Variants in BMP1 observed in about 807,000 individuals in gnomAD.
BMP1 encodes the protein mammalian tolloid protein.
Under a neutral mutation model 116.8 loss-of-function variants are expected in BMP1, and 63 were observed. The observed-to-expected ratio is 0.54, with a 90% confidence interval of 0.44 to 0.67. BMP1 has a LOEUF of 0.67. Ranked by LOEUF, BMP1 falls within the 30% of genes least tolerant of loss-of-function variation. BMP1 has a pLI of 0.00. For missense variants in BMP1, 1,183 were observed against 1,358.9 expected, an observed-to-expected ratio of 0.87 and a Z score of 2.04; for synonymous variants, 536 against 533.4, an observed-to-expected ratio of 1.00 and a Z score of -0.07.
intron 16 of BMP1, among the ~76,000 whole-genome samples, chr8:22,206,620 A>G (rs1226987839): frequency 1.3e-5 from 2 of 152,138 alleles, no homozygotes. Context: ...TGGCTGCTTC[A>G]TGAGTGCTGC....
intron 1 of BMP1, among the ~76,000 whole-genome samples, chr8:22,167,063 CACTT>C (rs1828135643): frequency 1.3e-5 from 2 of 152,190 alleles, no homozygotes; most frequent in African/African-American, 2.4e-5. Flanking sequence ...ATACATAAAA[CACTT>C]AATAGTGCTT....
chr8:22,174,350 A>G (rs1586437273), intron 2 of BMP1, among the ~76,000 whole-genome samples: 1 of 152,160 alleles, frequency 6.6e-6, no homozygotes, highest in Admixed American at 6.5e-5. Flanking sequence ...ATTTGCTCCT[A>G]TGTCTCCCTA....
chr8:22,174,544 T>G (rs1472970881), intron 2 of BMP1, among the ~76,000 whole-genome samples: 1 of 152,018 alleles, frequency 6.6e-6, no homozygotes, highest in African/African-American at 2.4e-5. Context: ...GTGCTGATGT[T>G]TGAGACATGG....
At chr8:22,201,534 A>G in intron 15 of BMP1, 3 of 1,411,390 alleles carry the variant, frequency 2.1e-6, no homozygotes, top group Non-Finnish European at 2.8e-6. Context: ...TCCAGTAAGC[A>G]GGTAATGGTG....
Position 22,199,210 on chromosome 8 carries a change from G to T in BMP1, c.2107+1790G>T, listed in dbSNP as rs1306033474. 4 of 1,367,548 alleles carry T rather than the reference G, an allele frequency of 2.9e-6. No individual in the cohort carries two copies. The East Asian group carries it at 1.8e-4, about 62-fold the overall frequency. The allele number at this position is 1,367,548 out of a possible 1,614,324, so 84.7% of individuals were successfully genotyped here. ...AGAAACCTGCAGAGGACCCCCACTG[G>T]GGGCATCGAGGCTCAGCCCTCAGGG... On this transcript the variant is annotated intron_variant, in intron 15 of 19. Transcript: ENST00000306385.
At chr8:22,167,632 G>T (rs1828154728) in intron 1 of BMP1, among the ~76,000 whole-genome samples, 1 of 152,218 alleles carries the variant, frequency 6.6e-6, no homozygotes, top group Non-Finnish European at 1.5e-5. Flanking sequence ...GGCTGGCTGA[G>T]TTGGAGCTTC....
At chr8:22,209,137 CA>C (rs1476965639) in intron 18 of BMP1, among the ~76,000 whole-genome samples, 1 of 152,208 alleles carries the variant, frequency 6.6e-6, no homozygotes, top group Non-Finnish European at 1.5e-5. Flanking sequence ...CCATGACAGC[CA>C]TCAGCTGGAG....
In BMP1 at chr8:22,176,522, C is replaced by T. The variant is rs1051913373; in HGVS notation, c.434-11C>T. Reference sequence around the variant, plus strand: ...GACACCGTGGCAACCTGGCTTCCTTCCTCCTGGCAGGTAGCCAGAGGGCAG... The same window carrying T: ...GACACCGTGGCAACCTGGCTTCCTTTCTCCTGGCAGGTAGCCAGAGGGCAG... On this transcript the variant is annotated splice_polypyrimidine_tract_variant and intron_variant, in intron 3 of 19. Transcript: ENST00000306385. The T allele has an allele frequency of 1.9e-6, 3 of 1,613,702 alleles. No individual in the cohort carries two copies. The highest frequency in any genetic ancestry group is 2.7e-5 in the African/African-American group (2 of 74,932).
intron 19 of BMP1, among the ~76,000 whole-genome samples, chr8:22,210,468 T>TCTCACACACA (rs10664439): frequency 3.6e-4 from 49 of 135,568 alleles, no homozygotes; most frequent in African/African-American, 6.5e-4. Flanking sequence ...TCTCTCTCTC[T>TCTCACACACA]CACACACATA....
At chr8:22,192,303 T>A (rs1828958335) in intron 9 of BMP1, 152 bp downstream of exon 9, 3 of 615,018 alleles carry the variant, frequency 4.9e-6, no homozygotes, top group Non-Finnish European at 8.6e-6. Context: ...TAGTCCCAGA[T>A]AGCTGCATTA....
chr8:22,165,882 C>CGTGT (rs149003237), intron 1 of BMP1, among the ~76,000 whole-genome samples: 10,821 of 131,238 alleles, frequency 0.082, 545 homozygotes, highest in Admixed American at 0.099. Flanking sequence ...CCTGTGCGTG[C>CGTGT]GTGTGTGTGT....
At chr8:22,195,751 A>G (rs892696950) in intron 13 of BMP1, among the ~76,000 whole-genome samples, 164 bp downstream of exon 13, 2 of 151,698 alleles carry the variant, frequency 1.3e-5, no homozygotes, top group Admixed American at 1.3e-4. Context: ...GGCTCAAGCA[A>G]TCCTCCCACC....
chr8:22,203,774 C>A (rs1829303878), intron 16 of BMP1, among the ~76,000 whole-genome samples: 1 of 152,150 alleles, frequency 6.6e-6, no homozygotes, highest in African/African-American at 2.4e-5. Context: ...AACCCTGTGA[C>A]CTCAGGCTTC....
rs1829428842 is a variant in BMP1, at chr8:22,209,779, C to T, written c.2826+84C>T. 4 of 1,477,572 alleles carry T rather than the reference C, an allele frequency of 2.7e-6. No individual in the cohort carries two copies. The African/African-American group carries it at 5.6e-5, about 21-fold the overall frequency. The allele number at this position is 1,477,572 out of a possible 1,614,324, so 91.5% of individuals were successfully genotyped here. On this transcript the variant is annotated intron_variant, in intron 19 of 19. Transcript: ENST00000306385. ...ACCCTTCTCAGCCCAGTCTCCAAGA[C>T]CTAGCGCCCACACAGGCCCCGGAAG...
intron 15 of BMP1, chr8:22,201,593 G>T: frequency 1.4e-6 from 2 of 1,382,902 alleles, no homozygotes; most frequent in East Asian, 2.6e-5. Flanking sequence ...CCACAGCTGG[G>T]CCCTGCTCAG....
chr8:22,192,190 T>C (rs1828955147), intron 9 of BMP1, 39 bp downstream of exon 9: 1 of 1,555,326 alleles, frequency 6.4e-7, no homozygotes, highest in Admixed American at 1.7e-5. Flanking sequence ...TCCATGCTGA[T>C]TCCCTCTCTG....
chr8:22,167,668 C>A (rs975700476), intron 1 of BMP1, among the ~76,000 whole-genome samples: 1 of 152,170 alleles, frequency 6.6e-6, no homozygotes, highest in Non-Finnish European at 1.5e-5. Flanking sequence ...AGAAAGCACT[C>A]CAACTGGGTG....
intron 15 of BMP1, 183 bp from the exon 16 acceptor site, chr8:22,201,620 C>T: frequency 7.3e-7 from 1 of 1,360,952 alleles, no homozygotes; most frequent in Non-Finnish European, 9.7e-7. Context: ...CTGCTGGATG[C>T]AGTGCCCCTT....
intron 1 of BMP1, chr8:22,170,739 G>A (rs1828253281): frequency 6.6e-6 from 1 of 152,142 alleles, no homozygotes; most frequent in African/African-American, 2.4e-5. Flanking sequence ...AGGATCACCT[G>A]TGGTCAGGAG....
Sources: gnomAD v4.1 joint callset for allele counts (sites outside exome capture counted in the v4.1 genomes callset) on GRCh38, gnomAD v4.1.1 for gene constraint, MANE v1.5 for transcripts, NCBI Gene and HGNC (gene_info 2026-07-23, HGNC 2026-07-21) for gene names.